Variants in PICK1 observed in about 807,000 individuals in gnomAD.
PICK1 encodes the protein PRKCA-binding protein.
PICK1 carries 23 observed loss-of-function variants against 48.9 expected under a neutral mutation model. The ratio of observed to expected loss-of-function variants is 0.47; its 90% confidence interval spans 0.34 to 0.67. The LOEUF (loss-of-function observed/expected upper bound fraction) is 0.67, where lower values mean the gene tolerates loss of function less well. PICK1 is among the 30% of genes least tolerant of loss of function. The probability of loss-of-function intolerance (pLI) is 0.01; values close to 1 mark genes in which losing one functional copy is unlikely to be tolerated. For missense variants in PICK1, 423 were observed against 557.1 expected (o/e 0.76, Z 2.42); for synonymous variants, 217 against 228.2 (o/e 0.95, Z 0.44).
upstream of PICK1, chr22:38,057,360 G>C (rs1219060055): frequency 8.9e-6 from 2 of 225,198 alleles, no homozygotes; most frequent in Non-Finnish European, 1.8e-5. Flanking sequence ...CAAATATCCA[G>C]TGGGGGGAAA....
At position 38,074,893 on chromosome 22, in the gene PICK1, C is replaced by T; in HGVS notation, c.1009C>T (p.Leu337Phe). 3 of 1,613,244 alleles carry T rather than the reference C, an allele frequency of 1.9e-6. No individual in the cohort carries two copies. The highest frequency in any genetic ancestry group is 2.5e-6 in the Non-Finnish European group (3 of 1,180,026). ...VQDIVFQLQR[L>F]VSTMSKYYND... ...GGACATCGTGTTCCAGCTGCAGCGC[C>T]TCGTGTCCACCATGTCCAAGTACTA... Residue 337 changes from leucine to phenylalanine, a missense_variant, in exon 13 of 13, where the codon CTC (leucine) becomes TTC (phenylalanine). Physicochemically the swap from Leu to Phe is conservative, Grantham distance 22. Transcript: ENST00000356976. The surrounding 1 kb of genome is among the most constrained non-coding windows in gnomAD (Gnocchi z 4.5).
chr22:38,069,981 A>G (rs1465934657), intron 6 of PICK1, among the ~76,000 whole-genome samples: 1 of 152,230 alleles, frequency 6.6e-6, no homozygotes, highest in African/African-American at 2.4e-5. Context: ...CGATGCTTAC[A>G]TGGCTCCTTT....
intron 4 of PICK1, among the ~76,000 whole-genome samples, chr22:38,067,307 C>CT (rs33993578): frequency 0.06 from 6,678 of 110,616 alleles, 503 homozygotes; most frequent in African/African-American, 0.15. Context: ...GCTTAGGATT[C>CT]TTTTTTTTTT....
rs1057403149 is a variant in PICK1 at position 38,075,609 on chromosome 22, C to G, written c.*477C>G. The G allele has an allele frequency of 1.2e-5, 2 of 160,396 alleles. No homozygotes were observed. Among genetic ancestry groups the G allele is most frequent in the African/African-American group, 4.8e-5 (2 of 41,572 alleles). 9.9% of individuals were successfully genotyped at this position (160,396 alleles called of 1,614,324 possible). The stretch of plus-strand genomic sequence containing the variant: ...CCAGTCCCCATCACACCTCGGCGGC[C>G]TTTATTTATTCTGTTCCCCCAGCTC... On this transcript the variant is annotated 3_prime_UTR_variant, in exon 13 of 13. Transcript: ENST00000356976.
chr22:38,058,013 G>A (rs1392265410), intron 2 of PICK1, 163 bp downstream of exon 2: 1 of 707,792 alleles, frequency 1.4e-6, no homozygotes. Context: ...ATTTGTAGGG[G>A]GCTGTGGACA....
chr22:38,060,056 CA>C (rs2085361370), intron 3 of PICK1, among the ~76,000 whole-genome samples: 1 of 152,098 alleles, frequency 6.6e-6, no homozygotes, highest in Non-Finnish European at 1.5e-5. Flanking sequence ...TACTAAAATA[CA>C]AAAATTAGCT....
chr22:38,064,495 C>T (rs777534428), intron 3 of PICK1, among the ~76,000 whole-genome samples: 9 of 152,138 alleles, frequency 5.9e-5, no homozygotes, highest in Non-Finnish European at 1.2e-4. Flanking sequence ...GGCACGGTGG[C>T]TCACACCTGT....
At position 38,066,463 on chromosome 22, in the gene PICK1, CAG is replaced by C. The variant is rs1266956177; in HGVS notation, c.283-1240_283-1239del. Among the ~76,000 whole-genome samples the C allele has an allele frequency of 6.6e-6, 1 of 152,242 alleles. No individual in the cohort carries two copies. On this transcript the variant is annotated intron_variant, in intron 4 of 12. Transcript: ENST00000356976. The surrounding 1 kb of genome is among the most constrained non-coding windows in gnomAD (Gnocchi z 4.1). ...TCTTTGTATTTGCACACAGCCATGA[CAG>C]GGATGCAGCATTGGCCCAGCTCCCC...
rs141970469 is a variant in PICK1 at position 38,065,242 on chromosome 22, C to A, written c.282+112C>A. 3.6e-4 allele frequency: 377 copies of A among 1,057,404 alleles called. 1 individual carries two copies. The African/African-American group carries it at 5.1e-3, about 14-fold the overall frequency. The allele number at this position is 1,057,404 out of a possible 1,614,324, so 65.5% of individuals were successfully genotyped here. On this transcript the variant is annotated intron_variant, in intron 4 of 12. Coordinates refer to ENST00000356976, the MANE Select transcript of PICK1 (RefSeq NM_012407.4). ...AAGGGGGTATCAGCCCTCACCGCCC[C>A]CTTCCTTGTCATGTGCAGGGTCAGG... is the stretch of plus-strand genomic sequence containing the variant.
At position 38,075,436 on chromosome 22, in the gene PICK1, G is replaced by GGC; in HGVS notation, c.*305_*306insCG. 2 of 377,266 alleles carry GGC rather than the reference G, an allele frequency of 5.3e-6. No individual in the cohort carries two copies. Among genetic ancestry groups the GGC allele is most frequent in the Non-Finnish European group, 9.7e-6 (2 of 206,236 alleles). The allele number at this position is 377,266 out of a possible 1,614,324, so 23.4% of individuals were successfully genotyped here. ...GAGGGAGGGCAGGAAGGAAAAGAAA[G>GGC]GACTTGGAGGTGGCAGGAGTCCGAG... On this transcript the variant is annotated 3_prime_UTR_variant, in exon 13 of 13. Transcript: ENST00000356976.
Position 38,074,421 on chromosome 22 carries a change from GA to G in PICK1, c.950del (p.Glu317GlyfsTer46). On this transcript the variant is annotated frameshift_variant, in exon 12 of 13. Transcript: ENST00000356976. LOFTEE classifies it high-confidence loss of function. The surrounding 1 kb of genome is among the most constrained non-coding windows in gnomAD (Gnocchi z 4.5). ...RFSQMRKDVL[E>X]KMELLDQKHV... ...CTCCCAGATGCGCAAGGATGTGCTG[GA>G]GAAGATGGAGCTGCTGGACCAGAAG... 1 of 1,613,204 alleles carries G rather than the reference GA, an allele frequency of 6.2e-7. No homozygotes were observed. The highest frequency in any genetic ancestry group is 2.2e-5 in the East Asian group (1 of 44,878).
Position 38,073,053 on chromosome 22 carries a change from C to T in PICK1, c.744C>T (p.Leu248=), listed in dbSNP as rs773297918. Residue 248 remains leucine (L), a synonymous_variant, in exon 10 of 13, where the codon CTC becomes CTT. Transcript: ENST00000356976. The surrounding 1 kb of genome is among the most constrained non-coding windows in gnomAD (Gnocchi z 5.7). ...YLNKAIPDTR[L]TIKKYLDVKF... is the part of the protein sequence containing the mutation. ...ACAAAGCCATCCCGGACACTCGCCT[C>T]ACCATCAAGAAGTACCTGGACGTGA... 3.7e-6 allele frequency: 6 copies of T among 1,613,726 alleles called. No homozygotes were observed. Among genetic ancestry groups the T allele is most frequent in the Non-Finnish European group, 5.1e-6 (6 of 1,179,818 alleles).
chr22:38,074,786 G>T lies in PICK1; in HGVS notation c.980-78G>T. ...GCCCAGGGGAGGCGAGAGGTGGGCCGGGTGGGCTGGGAGAGTCTCCTCCCT... is the reference window on the plus strand; with the variant it reads ...GCCCAGGGGAGGCGAGAGGTGGGCCTGGTGGGCTGGGAGAGTCTCCTCCCT... On this transcript the variant is annotated intron_variant, in intron 12 of 12. Coordinates refer to ENST00000356976, the MANE Select transcript of PICK1 (RefSeq NM_012407.4). This position sits in a 1 kb window ranked among gnomAD's most constrained non-coding sequence, Gnocchi z 4.5. 2 of 1,563,944 alleles carry T rather than the reference G, an allele frequency of 1.3e-6. No individual in the cohort carries two copies. Among genetic ancestry groups the T allele is most frequent in the Non-Finnish European group, 8.7e-7 (1 of 1,151,502 alleles).
chr22:38,070,975 C>G lies in PICK1; in HGVS notation c.493+84C>G, dbSNP rs987099522. On this transcript the variant is annotated intron_variant, in intron 7 of 12. Transcript: ENST00000356976. ...CAGAGTGGCAACAGGGGTGCTGGCACTAGGAATGCCAGCCTACAAAATACT... is the reference window on the plus strand; with the variant it reads ...CAGAGTGGCAACAGGGGTGCTGGCAGTAGGAATGCCAGCCTACAAAATACT... The G allele has an allele frequency of 5.8e-5, 60 of 1,035,018 alleles. No individual in the cohort carries two copies. In the East Asian group the frequency reaches 1.4e-3, roughly 24 times the overall value. The allele number at this position is 1,035,018 out of a possible 1,614,324, so 64.1% of individuals were successfully genotyped here. A position where few individuals can be genotyped will look rare whatever the true frequency, so the allele number is the denominator to read the frequency against.
In PICK1 at chr22:38,073,704, AT is replaced by A; in HGVS notation, c.784-68del. 1 of 1,358,276 alleles carries A rather than the reference AT, an allele frequency of 7.4e-7. No homozygotes were observed. The highest frequency in any genetic ancestry group is 1.0e-6 in the Non-Finnish European group (1 of 952,378). 84.1% of individuals were successfully genotyped at this position (1,358,276 alleles called of 1,614,324 possible). A position where few individuals can be genotyped will look rare whatever the true frequency, so the allele number is the denominator to read the frequency against. ...CAGCCTCTCCTGCTGCGTGTGGGTG[AT>A]GGGGGTGGAGCTGGGGACCTGGGGT... is the stretch of plus-strand genomic sequence containing the variant. On this transcript the variant is annotated intron_variant, in intron 10 of 12. Transcript: ENST00000356976. This position sits in a 1 kb window ranked among gnomAD's most constrained non-coding sequence, Gnocchi z 5.7.
intron 6 of PICK1, among the ~76,000 whole-genome samples, chr22:38,070,482 T>G (rs1448937205): frequency 6.6e-6 from 1 of 152,198 alleles, no homozygotes. Flanking sequence ...CTGAGCCATC[T>G]GTGTGCTTGG....
chr22:38,072,514 G>T lies in PICK1; in HGVS notation c.594G>T (p.Glu198Asp), dbSNP rs1447947465. 1 of 1,613,580 alleles carries T rather than the reference G, an allele frequency of 6.2e-7. No individual in the cohort carries two copies. Among genetic ancestry groups the T allele is most frequent in the Non-Finnish European group, 8.5e-7 (1 of 1,180,034 alleles). ...GDVFSVIGVR[E>D]PQPAASEAFV... ...TGTTCTCCGTGATCGGGGTGCGGGA[G>T]CCCCAGCCAGCTGCGAGCGAGGCTT... The change falls in exon 9 of 13, where the codon GAG (glutamate) becomes GAT (aspartate). Residue 198 changes from glutamate (E) to aspartate (D), a missense_variant. This residue lies in a region of PICK1 where 279 missense variants were observed against 417.8 expected (regional missense o/e 0.67). Coordinates refer to ENST00000356976, the MANE Select transcript of PICK1 (RefSeq NM_012407.4).
chr22:38,075,006 C>A lies in PICK1; in HGVS notation c.1122C>A (p.Asn374Lys), dbSNP rs1320163856. 2 of 1,613,658 alleles carry A rather than the reference C, an allele frequency of 1.2e-6. No individual in the cohort carries two copies. Among genetic ancestry groups the A allele is most frequent in the East Asian group, 4.5e-5 (2 of 44,876 alleles). The change falls in exon 13 of 13, where the codon AAC (asparagine) becomes AAA (lysine). Residue 374 changes from asparagine (N) to lysine (K), a missense_variant. Transcript: ENST00000356976. Reference protein sequence around the residue: ...LAHTTLAYGLNQEEFTDGEEE... With the variant: ...LAHTTLAYGLKQEEFTDGEEE... ...ACACCACATTGGCCTATGGCCTCAA[C>A]CAGGAGGAGTTCACAGATGGGGAGG...
In PICK1 at chr22:38,071,712, G is replaced by A. The variant is rs919508841; in HGVS notation, c.524G>A (p.Arg175Gln). Residue 175 changes from arginine to glutamine, a missense_variant, in exon 8 of 13, where the codon CGG (arginine) becomes CAG (glutamine). By Grantham distance (43) the Arg-to-Gln change is conservative. Coordinates refer to ENST00000356976, the MANE Select transcript of PICK1 (RefSeq NM_012407.4). ...GMTEHTKNLL[R>Q]AFYELSQTHR... ...ACGGAACACACCAAGAACCTCCTAC[G>A]GGCCTTTTATGAGCTGTCGCAGACT... The A allele has an allele frequency of 5.6e-6, 9 of 1,613,468 alleles. No individual in the cohort carries two copies. The highest frequency in any genetic ancestry group is 3.3e-5 in the Admixed American group (2 of 60,004).
Sources: allele counts gnomAD v4.1 joint callset (sites outside exome capture counted in the v4.1 genomes callset), GRCh38; gene constraint gnomAD v4.1.1; regional missense constraint gnomAD v4.1.1; non-coding constraint Gnocchi (gnomAD v3.1); transcripts MANE v1.5; gene names NCBI Gene and HGNC (gene_info 2026-07-23, HGNC 2026-07-21).